Variants in NFIA observed in about 807,000 individuals in gnomAD.
The protein encoded by NFIA is nuclear factor 1 A-type.
Under a neutral mutation model 62.8 loss-of-function variants are expected in NFIA, and 8 were observed. The ratio of observed to expected loss-of-function variants is 0.13; its 90% CI spans 0.07 to 0.23. The LOEUF is 0.23. Ranked by LOEUF, NFIA falls within the 10% of genes least tolerant of loss-of-function variation. NFIA has a pLI of 1.00. For synonymous variants in NFIA, 235 were observed against 238.1 expected (o/e 0.99, Z 0.12); for missense variants, 410 against 642.1 (o/e 0.64, Z 3.91).
chr1:61,122,420 C>T (rs1646902157), intron 2 of NFIA, among the ~76,000 whole-genome samples: 1 of 152,164 alleles, frequency 6.6e-6, no homozygotes, highest in African/African-American at 2.4e-5. Context: ...CCAGAGTTTG[C>T]ACGGTGTTGC....
chr1:61,306,002 C>T (rs1659755581), intron 3 of NFIA, among the ~76,000 whole-genome samples: 2 of 151,842 alleles, frequency 1.3e-5, no homozygotes, highest in Admixed American at 1.3e-4. Flanking sequence ...CACACACCAC[C>T]ACGCCCGGCT....
At chr1:61,333,353 C>G (rs762478779) in intron 4 of NFIA, among the ~76,000 whole-genome samples, 1 of 152,140 alleles carries the variant, frequency 6.6e-6, no homozygotes, top group Non-Finnish European at 1.5e-5. Flanking sequence ...TTCATACCCC[C>G]CATTCACTGT....
intron 6 of NFIA, among the ~76,000 whole-genome samples, chr1:61,377,222 C>CAATTAA (rs71050123): frequency 6.7e-6 from 1 of 150,262 alleles, no homozygotes; most frequent in Non-Finnish European, 1.5e-5. Flanking sequence ...GACTCCATCT[C>CAATTAA]AAAAAAAAGA....
intron 10 of NFIA, among the ~76,000 whole-genome samples, chr1:61,444,593 G>T (rs1667726849): frequency 6.6e-6 from 1 of 152,192 alleles, no homozygotes. Context: ...CAGAAAGGTT[G>T]ATGCAGTAGA....
intron 4 of NFIA, among the ~76,000 whole-genome samples, chr1:61,333,549 T>C (rs1024984583): frequency 9.2e-5 from 14 of 152,220 alleles, no homozygotes; most frequent in African/African-American, 3.1e-4. Context: ...GGGGAGAATC[T>C]AATGACTACT....
chr1:61,081,720 T>C (rs1570105204), upstream of NFIA: 1 of 647,624 alleles, frequency 1.5e-6, no homozygotes, highest in South Asian at 1.9e-5. Context: ...CCAAATCCGG[T>C]GAATCTTCTG....
chr1:61,295,481 A>G (rs962864433), intron 3 of NFIA, among the ~76,000 whole-genome samples: 19 of 152,174 alleles, frequency 1.2e-4, no homozygotes, highest in Non-Finnish European at 2.9e-5. Flanking sequence ...GAAGTGGTAC[A>G]TTGGATAATT....
chr1:61,225,390 A>G (rs1654267257), intron 2 of NFIA, among the ~76,000 whole-genome samples: 1 of 151,930 alleles, frequency 6.6e-6, no homozygotes, highest in African/African-American at 2.4e-5. Context: ...AGCTGGGACT[A>G]CAGGTGCATG....
At chr1:61,083,758 C>A (rs930693196) in intron 1 of NFIA, among the ~76,000 whole-genome samples, 4 of 149,066 alleles carry the variant, frequency 2.7e-5, no homozygotes, top group African/African-American at 9.8e-5. Context: ...ACGGCTCCCC[C>A]CGCCGCCGCC....
chr1:61,245,945 G>T (rs937947522), intron 2 of NFIA, among the ~76,000 whole-genome samples: 4 of 152,074 alleles, frequency 2.6e-5, no homozygotes, highest in Non-Finnish European at 5.9e-5. Context: ...AAAAGTTCCA[G>T]GTGAAATTCA....
chr1:61,317,773 A>G (rs1021328980), intron 3 of NFIA, among the ~76,000 whole-genome samples: 1 of 152,100 alleles, frequency 6.6e-6, no homozygotes, highest in African/African-American at 2.4e-5. Flanking sequence ...TCCCTGTATG[A>G]TTGAAGATCT....
At chr1:61,300,707 G>A (rs1570540341) in intron 3 of NFIA, among the ~76,000 whole-genome samples, 4 of 151,578 alleles carry the variant, frequency 2.6e-5, no homozygotes, top group Admixed American at 2.0e-4. Context: ...CTATATATGT[G>A]TATATATATG....
intron 9 of NFIA, among the ~76,000 whole-genome samples, chr1:61,423,977 TTATATATGAA>T (rs918134500): frequency 2.6e-4 from 40 of 151,936 alleles, no homozygotes; most frequent in African/African-American, 7.2e-4. Flanking sequence ...TTTGTAGCTG[TTATATATGAA>T]TATATATGAA....
chr1:61,427,681 A>G (rs1666930385), intron 10 of NFIA, among the ~76,000 whole-genome samples: 1 of 152,266 alleles, frequency 6.6e-6, no homozygotes, highest in South Asian at 2.1e-4. Flanking sequence ...CCTTCCTCAC[A>G]CTGAAGCAGG....
chr1:61,363,602 C>CAAA (rs10624027), intron 6 of NFIA, among the ~76,000 whole-genome samples: 113 of 141,780 alleles, frequency 8.0e-4, no homozygotes, highest in East Asian at 3.3e-3. Flanking sequence ...AAAACTCCGT[C>CAAA]AAAAAAAAAA....
chr1:61,238,418 C>T (rs943561031), intron 2 of NFIA, among the ~76,000 whole-genome samples: 3 of 152,188 alleles, frequency 2.0e-5, no homozygotes, highest in African/African-American at 7.2e-5. Context: ...GCGGTATCTT[C>T]AGACATCATC....
intron 3 of NFIA, among the ~76,000 whole-genome samples, chr1:61,296,613 G>A (rs1659201170): frequency 6.6e-6 from 1 of 152,048 alleles, no homozygotes; most frequent in Non-Finnish European, 1.5e-5. Flanking sequence ...TTAAATCCCT[G>A]ACAAACAACT....
chr1:61,364,591 T>C (rs1663483606), intron 6 of NFIA, among the ~76,000 whole-genome samples: 1 of 152,118 alleles, frequency 6.6e-6, no homozygotes, highest in African/African-American at 2.4e-5. Flanking sequence ...CAGCAGTGCA[T>C]TGACTTTATT....
At chr1:61,083,500 C>T (rs1410835102) in intron 1 of NFIA, among the ~76,000 whole-genome samples, 1 of 152,052 alleles carries the variant, frequency 6.6e-6, no homozygotes, top group East Asian at 1.9e-4. Context: ...CGGACGCGGG[C>T]AGGCTGCGGC....
Sources: allele counts gnomAD v4.1 joint callset (sites outside exome capture counted in the v4.1 genomes callset), GRCh38; gene constraint gnomAD v4.1.1; transcripts MANE v1.5; gene names NCBI Gene and HGNC (gene_info 2026-07-23, HGNC 2026-07-21).